BNC2: variants seen among roughly 807,000 people sequenced by gnomAD.
BNC2 encodes the protein basonuclin zinc finger protein 2.
In BNC2, 20 loss-of-function variants were observed where a neutral mutation model predicts 76.3. The ratio of observed to expected loss-of-function variants is 0.26; its 90% CI spans 0.18 to 0.38. The LOEUF is 0.38. BNC2 is among the 10% of genes least tolerant of loss of function. The pLI is 1.00. For synonymous variants in BNC2, 582 were observed against 514.8 expected (o/e 1.13, Z -1.77); for missense variants, 1,382 against 1,399.8 (o/e 0.99, Z 0.20).
At position 16,612,172 on chromosome 9, in the gene BNC2, C is replaced by T. The variant is rs141633930; in HGVS notation, c.331-29087G>A. Among the ~76,000 whole-genome samples, 112 of 152,218 alleles carry T rather than the reference C, an allele frequency of 7.4e-4. 1 individual carries two copies. Among genetic ancestry groups the T allele is most frequent in the African/African-American group, 2.6e-3 (110 of 41,536 alleles). On this transcript the variant is annotated intron_variant, in intron 3 of 6. Coordinates refer to ENST00000380672, the MANE Select transcript of BNC2 (RefSeq NM_017637.6). ...TGGACGTCTTTCTTTCTCCCCACATCTGGAGATAGTTTAGTATACCGACTT... is the reference window on the plus strand; with the variant it reads ...TGGACGTCTTTCTTTCTCCCCACATTTGGAGATAGTTTAGTATACCGACTT...
intron 2 of BNC2, among the ~76,000 whole-genome samples, chr9:16,738,069 T>G (rs749866639): frequency 6.6e-6 from 1 of 151,680 alleles, no homozygotes; most frequent in Non-Finnish European, 1.5e-5. Flanking sequence ...AAAGAAAGAA[T>G]AGAAAAAGGA....
intron 5 of BNC2, among the ~76,000 whole-genome samples, chr9:16,538,912 C>A (rs997245126): frequency 3.9e-5 from 6 of 152,172 alleles, no homozygotes; most frequent in African/African-American, 1.2e-4. Flanking sequence ...ATCATACTTA[C>A]GTTTTCATTA....
intron 5 of BNC2, among the ~76,000 whole-genome samples, chr9:16,527,619 T>C (rs530375180): frequency 6.6e-6 from 1 of 152,222 alleles, no homozygotes; most frequent in Non-Finnish European, 1.5e-5. Context: ...CGACAACTGA[T>C]AGGTCAAATC....
At chr9:16,732,643 C>T (rs1305014655) in intron 2 of BNC2, among the ~76,000 whole-genome samples, 1 of 152,180 alleles carries the variant, frequency 6.6e-6, no homozygotes, top group Non-Finnish European at 1.5e-5. Context: ...CTGTAATGTG[C>T]TCTGCCTTTG....
intron 5 of BNC2, among the ~76,000 whole-genome samples, chr9:16,502,245 T>C (rs1285704416): frequency 1.3e-5 from 2 of 152,144 alleles, no homozygotes; most frequent in Non-Finnish European, 2.9e-5. Flanking sequence ...ACATCTGTAG[T>C]GCTAGCTACT....
chr9:16,592,718 A>G (rs1031271862), intron 3 of BNC2, among the ~76,000 whole-genome samples: 8 of 152,164 alleles, frequency 5.3e-5, no homozygotes, highest in South Asian at 2.1e-4. Flanking sequence ...GAGGAATCCC[A>G]CTGCCCCACC....
chr9:16,583,555 T>C (rs1026458747), intron 3 of BNC2, among the ~76,000 whole-genome samples: 1 of 152,188 alleles, frequency 6.6e-6, no homozygotes, highest in Non-Finnish European at 1.5e-5. Context: ...TTTCTTCTGC[T>C]GAATTTCAAT....
At chr9:16,720,113 T>G (rs1297225219) in intron 3 of BNC2, among the ~76,000 whole-genome samples, 1 of 152,214 alleles carries the variant, frequency 6.6e-6, no homozygotes, top group East Asian at 1.9e-4. Flanking sequence ...TATCATGCCC[T>G]TACTCAAAGA....
chr9:16,615,167 G>A (rs374699125), intron 3 of BNC2, among the ~76,000 whole-genome samples: 1 of 151,982 alleles, frequency 6.6e-6, no homozygotes, highest in South Asian at 2.1e-4. Context: ...AACGAATGGT[G>A]GGCAGCTCAT....
chr9:16,785,922 C>T (rs7856702), intron 1 of BNC2, among the ~76,000 whole-genome samples: 1 of 151,906 alleles, frequency 6.6e-6, no homozygotes, highest in African/African-American at 2.4e-5. Context: ...AAATCCACCT[C>T]TGGGCCTGTG....
chr9:16,473,923 T>C (rs1226635772), intron 5 of BNC2, among the ~76,000 whole-genome samples: 2 of 151,964 alleles, frequency 1.3e-5, no homozygotes, highest in Non-Finnish European at 2.9e-5. Context: ...CGATGATGAT[T>C]AAGTACTTAA....
At chr9:16,492,065 T>C (rs1187269249) in intron 5 of BNC2, among the ~76,000 whole-genome samples, 4 of 152,180 alleles carry the variant, frequency 2.6e-5, no homozygotes, top group Admixed American at 6.5e-5. Flanking sequence ...TGAAATACGA[T>C]TGTAAAATAA....
At chr9:16,774,494 A>G (rs961722761) in intron 1 of BNC2, among the ~76,000 whole-genome samples, 1 of 152,226 alleles carries the variant, frequency 6.6e-6, no homozygotes, top group Non-Finnish European at 1.5e-5. Flanking sequence ...CTTGTGCTGT[A>G]GCTCAGGCTT....
At chr9:16,648,330 A>G (rs570162184) in intron 3 of BNC2, among the ~76,000 whole-genome samples, 5 of 152,350 alleles carry the variant, frequency 3.3e-5, no homozygotes, top group African/African-American at 1.2e-4. Flanking sequence ...TTTCTATTTA[A>G]GACAGTAGAA....
Position 16,727,870 on chromosome 9 carries a change from G to C in BNC2, c.257C>G (p.Thr86Ser), listed in dbSNP as rs375140619. ...CCCCATGAACCCTGGTTCAGCCGTA[G>C]TCGTTCTGGTTCCGAACTGCATGGA... ...DNSMQFGTRT[T>S]TAEPGFMGTW... Residue 86 changes from threonine to serine, a missense_variant, in exon 3 of 7, where the codon ACT becomes AGT. Physicochemically the swap from Thr to Ser is moderately conservative, Grantham distance 58. This residue lies in a region of BNC2 where 557 missense variants were observed against 540.9 expected (regional missense o/e 1.03). Coordinates refer to ENST00000380672, the MANE Select transcript of BNC2 (RefSeq NM_017637.6). 4 of 1,614,084 alleles carry C rather than the reference G, an allele frequency of 2.5e-6. No homozygotes were observed. The highest frequency in any genetic ancestry group is 3.4e-6 in the Non-Finnish European group (4 of 1,180,040).
chr9:16,728,135 C>T (rs374737476), intron 2 of BNC2, 138 bp from the exon 3 acceptor site: 8 of 785,908 alleles, frequency 1.0e-5, no homozygotes, highest in African/African-American at 1.0e-4. Context: ...GAGCTTCTTT[C>T]GCACCTTCTG....
intron 3 of BNC2, among the ~76,000 whole-genome samples, chr9:16,668,457 C>T (rs1001508897): frequency 2.0e-5 from 3 of 152,160 alleles, no homozygotes; most frequent in African/African-American, 4.8e-5. Context: ...TCAGGGTATA[C>T]CATACATGAG....
At chr9:16,715,615 G>C (rs1823976662) in intron 3 of BNC2, among the ~76,000 whole-genome samples, 1 of 152,158 alleles carries the variant, frequency 6.6e-6, no homozygotes, top group African/African-American at 2.4e-5. Context: ...CTGGATTTTT[G>C]GCTCATCATT....
chr9:16,722,447 G>C (rs1378240369), intron 3 of BNC2, among the ~76,000 whole-genome samples: 1 of 152,092 alleles, frequency 6.6e-6, no homozygotes, highest in Admixed American at 6.5e-5. Context: ...CAGTGAATGT[G>C]AATATACACT....
Sources: gnomAD v4.1 joint callset for allele counts (sites outside exome capture counted in the v4.1 genomes callset) on GRCh38, gnomAD v4.1.1 for gene constraint, gnomAD v4.1.1 regional missense constraint, MANE v1.5 for transcripts, NCBI Gene and HGNC (gene_info 2026-07-23, HGNC 2026-07-21) for gene names.